The following SLC16A7 variants were observed in gnomAD, a reference collection of about 807,000 sequenced individuals.
SLC16A7 encodes solute carrier family 16 member 7.
Under a neutral mutation model 34.9 loss-of-function variants are expected in SLC16A7, and 33 were observed. That is an observed-to-expected ratio of 0.94 (90% CI 0.72 to 1.26). SLC16A7 has a LOEUF of 1.26. Ranked by LOEUF, SLC16A7 falls within the 50% of genes most tolerant of loss-of-function variation. The pLI, the probability that SLC16A7 is intolerant of heterozygous loss-of-function variation, is 0.00. For missense variants in SLC16A7, 573 were observed against 578.1 expected, an observed-to-expected ratio of 0.99 and a Z score of 0.09; for synonymous variants, 201 against 206.6, an observed-to-expected ratio of 0.97 and a Z score of 0.23.
chr12:59,624,642 T>C (rs1438934759), intron 1 of SLC16A7, among the ~76,000 whole-genome samples: 2 of 151,750 alleles, frequency 1.3e-5, no homozygotes, highest in East Asian at 3.9e-4. Flanking sequence ...AATATGAAAT[T>C]GGAATAACTA....
intron 2 of SLC16A7, among the ~76,000 whole-genome samples, chr12:59,702,102 T>C (rs1044827164): frequency 2.0e-5 from 3 of 151,800 alleles, no homozygotes; most frequent in African/African-American, 7.2e-5. Context: ...TTTCAAGCAA[T>C]AAAATAGGTA....
chr12:59,775,636 ATAAT>A (rs2137462254), intron 5 of SLC16A7, among the ~76,000 whole-genome samples, 161 bp downstream of exon 5: 1 of 152,306 alleles, frequency 6.6e-6, no homozygotes, highest in South Asian at 2.1e-4. Flanking sequence ...TTAAAATTTC[ATAAT>A]TAGTCAATTT....
chr12:59,727,164 A>AT (rs199777139), intron 3 of SLC16A7, among the ~76,000 whole-genome samples: 10,123 of 145,380 alleles, frequency 0.07, 442 homozygotes, highest in Middle Eastern at 0.16. Context: ...ATATATATAT[A>AT]TATATAATAT....
intron 1 of SLC16A7, among the ~76,000 whole-genome samples, chr12:59,633,430 TTA>T (rs1469989162): frequency 6.6e-6 from 1 of 152,040 alleles, no homozygotes; most frequent in Non-Finnish European, 1.5e-5. Context: ...ATATTGTTAC[TTA>T]ACATTTAGCA....
At chr12:59,731,374 T>A (rs1472231175) in intron 3 of SLC16A7, among the ~76,000 whole-genome samples, 4 of 152,204 alleles carry the variant, frequency 2.6e-5, no homozygotes, top group Admixed American at 6.5e-5. Flanking sequence ...ATCATCATTT[T>A]CCAAATTATA....
intron 1 of SLC16A7, among the ~76,000 whole-genome samples, chr12:59,612,485 T>G (rs1003609551): frequency 6.6e-6 from 1 of 152,174 alleles, no homozygotes; most frequent in Non-Finnish European, 1.5e-5. Flanking sequence ...GCGATGAAAG[T>G]CTGTGGCATG....
At chr12:59,624,449 C>T (rs1879832078) in intron 1 of SLC16A7, among the ~76,000 whole-genome samples, 1 of 151,542 alleles carries the variant, frequency 6.6e-6, no homozygotes, top group Admixed American at 6.6e-5. Flanking sequence ...GTTCATAGTG[C>T]TATATAAATG....
Position 59,596,698 on chromosome 12 carries a change from T to A in SLC16A7, c.-130+462T>A, listed in dbSNP as rs1368790904. ...GGCCCCCGAGCCCCCTAGGGTGGCG[T>A]GGCTTCATTGCCGCAGAAGGTGGAG... On this transcript the variant is annotated intron_variant, in intron 1 of 5. Coordinates refer to ENST00000547379, the MANE Select transcript of SLC16A7 (RefSeq NM_001270623.2). The surrounding 1 kb of genome is among the most constrained non-coding windows in gnomAD (Gnocchi z 5.0). 6.6e-6 allele frequency among the ~76,000 whole-genome samples: 1 copy of A among 152,000 alleles called. No homozygotes were observed. Among genetic ancestry groups the A allele is most frequent in the African/African-American group, 2.4e-5 (1 of 41,378 alleles).
Position 59,724,860 on chromosome 12 carries a change from G to A in SLC16A7, c.217+19842G>A, listed in dbSNP as rs150957499. 6.1e-3 allele frequency among the ~76,000 whole-genome samples: 930 copies of A among 151,976 alleles called. 3 individuals are homozygous for A. Among genetic ancestry groups the A allele is most frequent in the Middle Eastern group, 0.014 (4 of 294 alleles). On this transcript the variant is annotated intron_variant, in intron 3 of 5. Coordinates refer to ENST00000547379, the MANE Select transcript of SLC16A7 (RefSeq NM_001270623.2). ...TGCATTTAAGAGGATGACATTAAAA[G>A]CAAGTCTCTATAAATTCTTTATCCT...
intron 2 of SLC16A7, among the ~76,000 whole-genome samples, chr12:59,660,514 G>C (rs1868789020): frequency 6.7e-6 from 1 of 150,280 alleles, no homozygotes; most frequent in Non-Finnish European, 1.5e-5. Flanking sequence ...ATCCCAGCCT[G>C]GACAACATAG....
intron 3 of SLC16A7, among the ~76,000 whole-genome samples, chr12:59,727,059 A>G (rs1294503502): frequency 1.3e-5 from 2 of 151,682 alleles, no homozygotes; most frequent in Non-Finnish European, 2.9e-5. Flanking sequence ...GTCAGTATCT[A>G]TCCAAACACT....
intron 5 of SLC16A7, 135 bp downstream of exon 5, chr12:59,775,610 G>C (rs2137462153): frequency 3.1e-6 from 2 of 647,658 alleles, no homozygotes; most frequent in Middle Eastern, 3.9e-4. Context: ...GTTAATTTTA[G>C]GTTTTATTAT....
At chr12:59,710,916 T>C (rs573764953) in intron 3 of SLC16A7, among the ~76,000 whole-genome samples, 7 of 152,300 alleles carry the variant, frequency 4.6e-5, no homozygotes, top group African/African-American at 1.4e-4. Context: ...TCCAGCATGT[T>C]ACACTCTCTC....
chr12:59,633,686 G>A (rs2136997027), intron 1 of SLC16A7, among the ~76,000 whole-genome samples: 1 of 152,106 alleles, frequency 6.6e-6, no homozygotes, highest in Non-Finnish European at 1.5e-5. Context: ...GTTTTGCATG[G>A]ATGGGGAGGC....
chr12:59,645,754 G>A (rs1374292397), intron 1 of SLC16A7, among the ~76,000 whole-genome samples: 2 of 152,098 alleles, frequency 1.3e-5, no homozygotes, highest in Non-Finnish European at 2.9e-5. Context: ...CAGTTTGGTG[G>A]GCTCAGAAAA....
chr12:59,611,076 C>T (rs1879172097), intron 1 of SLC16A7, among the ~76,000 whole-genome samples: 1 of 152,168 alleles, frequency 6.6e-6, no homozygotes, highest in Admixed American at 6.5e-5. Flanking sequence ...TCTTAGGTCT[C>T]ATTTATAAGG....
Position 59,771,126 on chromosome 12 carries a change from TG to T in SLC16A7, c.218-92del. ...TATTTCTCCTCTGACCATTAAAATGTGCTTTCTTGCCTTTCCAAATGATTGG... is the reference window on the plus strand; with the variant it reads ...TATTTCTCCTCTGACCATTAAAATGTCTTTCTTGCCTTTCCAAATGATTGG... On this transcript the variant is annotated intron_variant, in intron 3 of 5. Coordinates refer to ENST00000547379, the MANE Select transcript of SLC16A7 (RefSeq NM_001270623.2). The T allele has an allele frequency of 4.1e-6, 5 of 1,230,258 alleles. No homozygotes were observed. The South Asian group carries it at 7.4e-5, about 18-fold the overall frequency. 76.2% of individuals were successfully genotyped at this position (1,230,258 alleles called of 1,614,324 possible).
intron 2 of SLC16A7, among the ~76,000 whole-genome samples, chr12:59,681,914 C>T (rs1240167927): frequency 6.6e-6 from 1 of 151,900 alleles, no homozygotes; most frequent in Non-Finnish European, 1.5e-5. Flanking sequence ...TAGGGACCAG[C>T]TTAGAGCCAA....
intron 2 of SLC16A7, among the ~76,000 whole-genome samples, chr12:59,696,765 G>A (rs1872348371): frequency 6.6e-6 from 1 of 151,998 alleles, no homozygotes; most frequent in East Asian, 1.9e-4. Context: ...TTGGTTCTGG[G>A]TCTCTTTTCT....
Sources: gnomAD v4.1 joint callset for allele counts (sites outside exome capture counted in the v4.1 genomes callset) on GRCh38, gnomAD v4.1.1 for gene constraint, Gnocchi (gnomAD v3.1) non-coding constraint, MANE v1.5 for transcripts, NCBI Gene and HGNC (gene_info 2026-07-23, HGNC 2026-07-21) for gene names.